Variants in PXDN observed in about 807,000 individuals in gnomAD.
The protein encoded by PXDN is peroxidasin homolog.
In PXDN, 77 loss-of-function variants were observed where a neutral mutation model predicts 140.3. The observed-to-expected ratio is 0.55, with a 90% confidence interval of 0.46 to 0.66. PXDN has a LOEUF of 0.66. Among genes scored for constraint, PXDN ranks in the 30% least tolerant of loss-of-function variants. The pLI is 0.00. For synonymous variants in PXDN, 911 were observed against 857.4 expected, an observed-to-expected ratio of 1.06 and a Z score of -1.09; for missense variants, 1,838 against 2,039.5, an observed-to-expected ratio of 0.90 and a Z score of 1.90.
chr2:1,711,989 C>A (rs1443859068), intron 1 of PXDN, among the ~76,000 whole-genome samples: 1 of 152,216 alleles, frequency 6.6e-6, no homozygotes, highest in Non-Finnish European at 1.5e-5. Flanking sequence ...CAGGTTAACA[C>A]AACTCTCAAG....
In PXDN at chr2:1,666,233, G is replaced by A. The variant is rs373593643; in HGVS notation, c.1272C>T (p.Thr424=). The A allele has an allele frequency of 1.5e-5, 24 of 1,613,838 alleles. No homozygotes were observed. The highest frequency in any genetic ancestry group is 1.6e-4 in the Middle Eastern group (1 of 6,080). Reference sequence around the variant, plus strand: ...ACCCACCCTGGACGATGATGAAAGCGGTGGCATGGACGCTGTCAATGTTGT... The same window carrying A: ...ACCCACCCTGGACGATGATGAAAGCAGTGGCATGGACGCTGTCAATGTTGT... ...ATNNIDSVHA[T]AFIIVQALPQ... Residue 424 remains threonine (T), a synonymous_variant, in exon 10 of 23, where the codon ACC becomes ACT. Coordinates refer to ENST00000252804, the MANE Select transcript of PXDN (RefSeq NM_012293.3).
intron 4 of PXDN, among the ~76,000 whole-genome samples, chr2:1,686,895 G>A (rs1442324086): frequency 6.6e-6 from 1 of 152,226 alleles, no homozygotes; most frequent in Non-Finnish European, 1.5e-5. Flanking sequence ...CTGCGTCACA[G>A]CAAACAGCTG....
rs759695799 is a variant in PXDN, at chr2:1,648,469, G to C, written c.3311C>G (p.Ser1104Cys). The change falls in exon 17 of 23, where the codon TCT becomes TGT. Residue 1104 changes from serine (S) to cysteine (C), a missense_variant. By Grantham distance (112) the Ser-to-Cys change is moderately radical. Transcript: ENST00000252804. This position sits in a 1 kb window ranked among gnomAD's most constrained non-coding sequence, Gnocchi z 8.9. Reference protein sequence around the residue: ...DHLPLHKAFFSPFRIVNEGGI... With the variant: ...DHLPLHKAFFCPFRIVNEGGI... ...GCCCTCATTCACAATCCGGAAGGGA[G>C]AGAAGAAAGCTTTGTGAAGGGGGAG... 3.1e-6 allele frequency: 5 copies of C among 1,611,076 alleles called. 1 individual carries two copies. The highest frequency in any genetic ancestry group is 2.2e-5 in the East Asian group (1 of 44,876).
At chr2:1,731,708 C>T (rs6714537) in intron 1 of PXDN, among the ~76,000 whole-genome samples, 13 of 152,042 alleles carry the variant, frequency 8.6e-5, no homozygotes, top group Non-Finnish European at 1.3e-4. Flanking sequence ...GCACAAAACA[C>T]GCAGCTATCC....
At chr2:1,738,781 A>G (rs773775513) in intron 1 of PXDN, among the ~76,000 whole-genome samples, 16 of 152,176 alleles carry the variant, frequency 1.1e-4, no homozygotes, top group Non-Finnish European at 1.9e-4. Flanking sequence ...TCCCGAGCTC[A>G]GGCAATCTGC....
In PXDN at chr2:1,662,188, G is replaced by A. The variant is rs1288704877; in HGVS notation, c.1568-4C>T. 6 of 1,577,296 alleles carry A rather than the reference G, an allele frequency of 3.8e-6. No homozygotes were observed. The highest frequency in any genetic ancestry group is 1.8e-5 in the Admixed American group (1 of 54,168). ...ATGCTGGCAAACACTGGGGTGACTG[G>A]AAGGCAGATGTAGAGAATCCAGGAG... On this transcript the variant is annotated splice_polypyrimidine_tract_variant and splice_region_variant and intron_variant, in intron 12 of 22. Transcript: ENST00000252804.
At chr2:1,729,867 A>G (rs1685273811) in intron 1 of PXDN, among the ~76,000 whole-genome samples, 1 of 152,256 alleles carries the variant, frequency 6.6e-6, no homozygotes, top group African/African-American at 2.4e-5. Context: ...TGTTAGGCAG[A>G]TTTGGTCATT....
intron 18 of PXDN, among the ~76,000 whole-genome samples, chr2:1,644,018 G>A (rs1203286986): frequency 1.6e-5 from 2 of 127,460 alleles, no homozygotes; most frequent in Non-Finnish European, 1.6e-5. Context: ...CTTGCAGTGA[G>A]TCGAGATCGC....
chr2:1,652,786 G>A (rs1215344127), intron 16 of PXDN, among the ~76,000 whole-genome samples: 2 of 152,150 alleles, frequency 1.3e-5, no homozygotes, highest in African/African-American at 4.8e-5. Flanking sequence ...TCAATTCCAC[G>A]TCTCTTTCAT....
chr2:1,712,414 G>A (rs1270539058), intron 1 of PXDN, among the ~76,000 whole-genome samples: 1 of 152,172 alleles, frequency 6.6e-6, no homozygotes, highest in East Asian at 1.9e-4. Flanking sequence ...GTTTTACTGG[G>A]TTCAACTTTT....
intron 1 of PXDN, among the ~76,000 whole-genome samples, chr2:1,705,642 G>A (rs969842035): frequency 6.8e-5 from 10 of 147,340 alleles, no homozygotes; most frequent in Non-Finnish European, 1.3e-4. Flanking sequence ...GCAGGGTGCA[G>A]CTCCCTGTGA....
intron 2 of PXDN, among the ~76,000 whole-genome samples, 169 bp from the exon 3 acceptor site, chr2:1,692,168 G>A (rs1215439702): frequency 2.0e-5 from 3 of 152,220 alleles, no homozygotes; most frequent in Admixed American, 6.5e-5. Flanking sequence ...CAGCTTTCGC[G>A]TTTAACCATC....
chr2:1,647,099 T>C (rs1476794280), intron 17 of PXDN, among the ~76,000 whole-genome samples: 1 of 152,100 alleles, frequency 6.6e-6, no homozygotes, highest in African/African-American at 2.4e-5. Flanking sequence ...TTTCACCATC[T>C]TGGCCAGGCT....
intron 1 of PXDN, among the ~76,000 whole-genome samples, chr2:1,694,492 GAGA>G (rs1488295618): frequency 2.0e-5 from 3 of 151,964 alleles, no homozygotes; most frequent in African/African-American, 7.2e-5. Context: ...TCTCCTGGAG[GAGA>G]AGGGGAAGGC....
intron 1 of PXDN, among the ~76,000 whole-genome samples, chr2:1,743,528 G>A (rs1309901305): frequency 1.3e-5 from 2 of 150,356 alleles, no homozygotes; most frequent in Non-Finnish European, 3.0e-5. Flanking sequence ...GGGGCGCCGC[G>A]GCTGCGGGAA....
chr2:1,692,523 T>A (rs1168427114), intron 2 of PXDN: 1 of 471,720 alleles, frequency 2.1e-6, no homozygotes, highest in Admixed American at 2.3e-5. Flanking sequence ...ATGACCCTGC[T>A]CTTACACCGT....
chr2:1,707,863 G>A (rs1402631336), intron 1 of PXDN, among the ~76,000 whole-genome samples: 7 of 151,964 alleles, frequency 4.6e-5, no homozygotes, highest in Admixed American at 4.6e-4. Context: ...TTTAAGAGGA[G>A]CCCATTTAGG....
intron 1 of PXDN, among the ~76,000 whole-genome samples, chr2:1,710,729 C>CCA (rs1217985446): frequency 4.4e-5 from 5 of 114,430 alleles, no homozygotes; most frequent in Non-Finnish European, 5.3e-5. Context: ...CCACCAGCAC[C>CCA]CTCTCCACCA....
chr2:1,682,863 C>A (rs571220698), intron 6 of PXDN, among the ~76,000 whole-genome samples: 156 of 151,986 alleles, frequency 1.0e-3, no homozygotes, highest in African/African-American at 3.6e-3. Context: ...TTGCTTGAAC[C>A]TGGGAGGCAG....
Sources: allele counts gnomAD v4.1 joint callset (sites outside exome capture counted in the v4.1 genomes callset), GRCh38; gene constraint gnomAD v4.1.1; non-coding constraint Gnocchi (gnomAD v3.1); transcripts MANE v1.5; gene names NCBI Gene and HGNC (gene_info 2026-07-23, HGNC 2026-07-21).